Variants in ZNF565 observed in about 807,000 individuals in gnomAD.
ZNF565 encodes the protein zinc finger protein 565.
ZNF565 carries 27 observed loss-of-function variants against 39.4 expected under a neutral mutation model. That is an observed-to-expected ratio of 0.69 (90% CI 0.51 to 0.95). The LOEUF (loss-of-function observed/expected upper bound fraction) is 0.95. Among genes scored for constraint, ZNF565 ranks in the 40% least tolerant of loss-of-function variants. The pLI is 0.00. For missense variants in ZNF565, 524 were observed against 621.1 expected, an observed-to-expected ratio of 0.84 and a Z score of 1.66; for synonymous variants, 185 against 216.6, an observed-to-expected ratio of 0.85 and a Z score of 1.28.
intron 1 of ZNF565, among the ~76,000 whole-genome samples, chr19:36,210,419 CAAAAAAAAAA>C (rs35345882): frequency 6.0e-5 from 4 of 67,030 alleles, no homozygotes; most frequent in African/African-American, 2.3e-4. Flanking sequence ...AATTCTGTCT[CAAAAAAAAAA>C]AAAAAAAAAA....
intron 1 of ZNF565, among the ~76,000 whole-genome samples, chr19:36,227,882 A>T (rs1977144033): frequency 6.6e-6 from 1 of 152,108 alleles, no homozygotes; most frequent in Admixed American, 6.6e-5. Context: ...GAAATAGGAC[A>T]CGGCACGGTG....
chr19:36,244,823 C>T (rs2029881130), intron 1 of ZNF565, among the ~76,000 whole-genome samples: 1 of 143,372 alleles, frequency 7.0e-6, no homozygotes, highest in African/African-American at 2.6e-5. Flanking sequence ...TGCCCTCCAG[C>T]CTGGCGACAG....
intron 4 of ZNF565, among the ~76,000 whole-genome samples, chr19:36,189,317 AT>A (rs929406309): frequency 0.022 from 3,116 of 143,540 alleles, 56 homozygotes; most frequent in African/African-American, 0.061. Context: ...ATATTATGTA[AT>A]TTTTTTTTTT....
At chr19:36,239,184 CTT>C (rs892730173) in intron 1 of ZNF565, among the ~76,000 whole-genome samples, 1 of 152,100 alleles carries the variant, frequency 6.6e-6, no homozygotes, top group East Asian at 1.9e-4. Context: ...GCTTAGAAAA[CTT>C]TAACTTTTTC....
At chr19:36,236,197 G>A (rs1977638375) in intron 1 of ZNF565, 1 of 424,256 alleles carries the variant, frequency 2.4e-6, no homozygotes, top group Non-Finnish European at 4.1e-6. Context: ...AGAGAAACTA[G>A]TGAAGGTAGC....
At position 36,182,294 on chromosome 19, in the gene ZNF565, AAG is replaced by A. The variant is rs1018938351; in HGVS notation, c.*170_*171del. On this transcript the variant is annotated 3_prime_UTR_variant, in exon 5 of 5. Coordinates refer to ENST00000304116, the MANE Select transcript of ZNF565 (RefSeq NM_152477.5). ...CTTAGGAAACAGTGAGTGAGGCAAA[AAG>A]AATTCCCACATTTATTTAATTTTCT... is the stretch of plus-strand genomic sequence containing the variant. 9 of 505,792 alleles carry A rather than the reference AAG, an allele frequency of 1.8e-5. No individual in the cohort carries two copies. Among genetic ancestry groups the A allele is most frequent in the Admixed American group, 7.5e-5 (2 of 26,792 alleles). 31.3% of individuals were successfully genotyped at this position (505,792 alleles called of 1,614,324 possible).
chr19:36,242,154 G>A (rs1158867554), intron 1 of ZNF565, among the ~76,000 whole-genome samples: 2 of 152,174 alleles, frequency 1.3e-5, no homozygotes, highest in African/African-American at 2.4e-5. Flanking sequence ...GCTCACGCCT[G>A]TAATCCCAGC....
At chr19:36,222,742 A>C (rs1976901238) in intron 1 of ZNF565, among the ~76,000 whole-genome samples, 1 of 143,934 alleles carries the variant, frequency 6.9e-6, no homozygotes, top group African/African-American at 2.5e-5. Context: ...CTGTTTATAA[A>C]TTAGAAAGGT....
chr19:36,188,778 TATA>T (rs1196873205), intron 4 of ZNF565, among the ~76,000 whole-genome samples: 3 of 151,366 alleles, frequency 2.0e-5, no homozygotes, highest in African/African-American at 7.3e-5. Context: ...AAAGTGTGTA[TATA>T]ATATGTACAC....
At chr19:36,209,302 G>A (rs571666874) in intron 1 of ZNF565, among the ~76,000 whole-genome samples, 1 of 152,048 alleles carries the variant, frequency 6.6e-6, no homozygotes, top group East Asian at 1.9e-4. Flanking sequence ...AGGCCGAGGC[G>A]GTTGGCAACT....
rs543771801 is a variant in ZNF565 at position 36,236,916 on chromosome 19, G to A, written c.55+8560C>T. 207 of 1,614,078 alleles carry A rather than the reference G, an allele frequency of 1.3e-4. 3 individuals are homozygous for A. The South Asian group carries it at 2.0e-3, about 15-fold the overall frequency. On this transcript the variant is annotated intron_variant, in intron 1 of 4. Coordinates refer to the ZNF565 transcript ENST00000355114. ...ATTGGAGAGAAGCCTTTTAAATGTA[G>A]TGAATGTGGAACAGCCTTTGGCCAG...
intron 1 of ZNF565, among the ~76,000 whole-genome samples, chr19:36,233,645 T>G (rs1977498476): frequency 6.6e-6 from 1 of 152,128 alleles, no homozygotes; most frequent in Non-Finnish European, 1.5e-5. Flanking sequence ...TGTCTCTGCA[T>G]CATAAACAAG....
At chr19:36,243,000 T>C (rs1253734326) in intron 1 of ZNF565, among the ~76,000 whole-genome samples, 2 of 152,186 alleles carry the variant, frequency 1.3e-5, no homozygotes. Context: ...TCAGATTATC[T>C]GAGAGTAAAT....
At chr19:36,230,560 C>T (rs897561579) in intron 1 of ZNF565, among the ~76,000 whole-genome samples, 3 of 151,894 alleles carry the variant, frequency 2.0e-5, no homozygotes, top group South Asian at 2.1e-4. Context: ...CTGAAGAGTG[C>T]GAGAGTGGGC....
At chr19:36,244,160 G>C (rs906915906) in intron 1 of ZNF565, among the ~76,000 whole-genome samples, 6 of 152,182 alleles carry the variant, frequency 3.9e-5, no homozygotes, top group Non-Finnish European at 8.8e-5. Context: ...GGGGCAGGGG[G>C]TGTCCTCTCT....
rs187659638 is a variant in ZNF565, at chr19:36,204,558, C to T, written c.-65-2508G>A. On this transcript the variant is annotated intron_variant, in intron 1 of 4. Coordinates refer to ENST00000304116, the MANE Select transcript of ZNF565 (RefSeq NM_152477.5). ...CTATAAATATTGTAGTCATAGATGGCTATTGAGCATATGAAATGTGGCTAG... is the reference window on the plus strand; with the variant it reads ...CTATAAATATTGTAGTCATAGATGGTTATTGAGCATATGAAATGTGGCTAG... 9.2e-5 allele frequency among the ~76,000 whole-genome samples: 14 copies of T among 152,264 alleles called. 1 individual carries two copies. The highest frequency in any genetic ancestry group is 2.0e-4 in the Admixed American group (3 of 15,288).
At chr19:36,228,174 A>AAAG (rs58268391) in intron 1 of ZNF565, among the ~76,000 whole-genome samples, 19,380 of 142,192 alleles carry the variant, frequency 0.14, 1,626 homozygotes, top group Non-Finnish European at 0.18. Context: ...AAAAAAAAAA[A>AAAG]AAAGAAAGAA....
chr19:36,205,603 A>T (rs746467166), intron 1 of ZNF565, among the ~76,000 whole-genome samples: 1 of 152,158 alleles, frequency 6.6e-6, no homozygotes, highest in Non-Finnish European at 1.5e-5. Context: ...TTAAAGACAG[A>T]AGTGACAGGA....
At chr19:36,230,570 C>T (rs932711402) in intron 1 of ZNF565, among the ~76,000 whole-genome samples, 2 of 152,004 alleles carry the variant, frequency 1.3e-5, no homozygotes, top group Non-Finnish European at 2.9e-5. Context: ...CGAGAGTGGG[C>T]GTGCAGCATT....
Sources: gnomAD v4.1 joint callset for allele counts (sites outside exome capture counted in the v4.1 genomes callset) on GRCh38, gnomAD v4.1.1 for gene constraint, MANE v1.5 for transcripts, NCBI Gene and HGNC (gene_info 2026-07-23, HGNC 2026-07-21) for gene names.